Variants in DSCAM observed in about 807,000 individuals in gnomAD.
DSCAM encodes DS cell adhesion molecule.
A neutral mutation model predicts 217.7 loss-of-function variants in DSCAM; 47 were observed. The ratio of observed to expected loss-of-function variants is 0.22; its 90% CI spans 0.17 to 0.28. DSCAM has a LOEUF of 0.28. Ranked by LOEUF, DSCAM falls within the 10% of genes least tolerant of loss-of-function variation. DSCAM has a pLI of 1.00. For synonymous variants in DSCAM, 1,056 were observed against 1,015.3 expected (o/e 1.04, Z -0.76); for missense variants, 2,080 against 2,618.3 (o/e 0.79, Z 4.49).
At chr21:40,650,756 T>C (rs2090003485) in intron 3 of DSCAM, among the ~76,000 whole-genome samples, 1 of 152,066 alleles carries the variant, frequency 6.6e-6, no homozygotes, top group Non-Finnish European at 1.5e-5. Context: ...TCTACTAAAA[T>C]ACAAAAAATT....
Position 40,125,833 on chromosome 21 carries a change from G to A in DSCAM, c.3563-1505C>T, listed in dbSNP as rs897914128. 4.3e-4 allele frequency among the ~76,000 whole-genome samples: 66 copies of A among 152,108 alleles called. 2 individuals carry two copies. The highest frequency in any genetic ancestry group is 1.5e-5 in the Non-Finnish European group (1 of 68,014). The stretch of plus-strand genomic sequence containing the variant: ...GCCAGGGTTCCTCCTGAACAACAAG[G>A]GCAGAGTGAACGTTTCCTGGGGATT... On this transcript the variant is annotated intron_variant, in intron 19 of 32. Transcript: ENST00000400454.
At chr21:40,527,467 T>C (rs186001964) in intron 3 of DSCAM, among the ~76,000 whole-genome samples, 129 of 152,342 alleles carry the variant, frequency 8.5e-4, no homozygotes, top group African/African-American at 2.9e-3. Context: ...GGTTGCCTGC[T>C]GGACAACAGG....
intron 1 of DSCAM, among the ~76,000 whole-genome samples, chr21:40,834,836 A>G (rs1374354242): frequency 6.6e-6 from 1 of 152,212 alleles, no homozygotes; most frequent in East Asian, 1.9e-4. Flanking sequence ...GAGCACATGT[A>G]AGCTCTAATA....
intron 1 of DSCAM, among the ~76,000 whole-genome samples, chr21:40,823,056 A>T (rs2091941911): frequency 6.6e-6 from 1 of 152,102 alleles, no homozygotes; most frequent in African/African-American, 2.4e-5. Flanking sequence ...AGGCTGAGAC[A>T]GGAGAATTGC....
intron 3 of DSCAM, among the ~76,000 whole-genome samples, chr21:40,498,680 TATATATATATATATATA>T (rs2076141111): frequency 1.5e-4 from 1 of 6,618 alleles, no homozygotes; most frequent in Non-Finnish European, 2.3e-4. Context: ...TATATATATA[TATATATATATATATATA>T]GATATATATA....
chr21:40,681,631 T>C (rs1320224115), intron 3 of DSCAM, among the ~76,000 whole-genome samples: 3 of 152,078 alleles, frequency 2.0e-5, no homozygotes, highest in Non-Finnish European at 4.4e-5. Context: ...GTGGGTTAAA[T>C]AGCTTCCCCC....
chr21:40,539,753 T>C (rs1860076602), intron 3 of DSCAM, among the ~76,000 whole-genome samples: 1 of 152,066 alleles, frequency 6.6e-6, no homozygotes, highest in African/African-American at 2.4e-5. Flanking sequence ...AAAAGACAAT[T>C]CCTGAGATTT....
At chr21:40,376,516 CTATATATCTTATATAGATATCGA>C (rs2074956305) in intron 3 of DSCAM, among the ~76,000 whole-genome samples, 11 of 110,352 alleles carry the variant, frequency 1.0e-4, no homozygotes, top group African/African-American at 1.8e-4. Context: ...ATATCGATAT[CTATATATCTTATATAGATATCGA>C]TATATCTTAT....
intron 1 of DSCAM, among the ~76,000 whole-genome samples, chr21:40,829,509 G>A (rs988761159): frequency 1.3e-5 from 2 of 152,190 alleles, no homozygotes; most frequent in South Asian, 2.1e-4. Context: ...AGATAGGCTG[G>A]GGCTGTATAA....
intron 3 of DSCAM, among the ~76,000 whole-genome samples, chr21:40,461,439 A>AT (rs760166867): frequency 3.3e-5 from 5 of 152,120 alleles, no homozygotes; most frequent in Admixed American, 6.5e-5. Flanking sequence ...TAGATACTTT[A>AT]TTTCCCTGGG....
intron 24 of DSCAM, among the ~76,000 whole-genome samples, chr21:40,081,230 T>C (rs147162398): frequency 6.6e-6 from 1 of 152,310 alleles, no homozygotes; most frequent in East Asian, 1.9e-4. Flanking sequence ...TTCTCCACCC[T>C]GGCTAGCTGG....
At chr21:40,042,291 G>T in intron 32 of DSCAM, 80 bp downstream of exon 32, 1 of 1,493,122 alleles carries the variant, frequency 6.7e-7, no homozygotes, top group Non-Finnish European at 9.1e-7. Flanking sequence ...ACACTGAGAA[G>T]GGCTTTCACA....
chr21:40,433,362 A>C (rs931256184), intron 3 of DSCAM, among the ~76,000 whole-genome samples: 2 of 151,180 alleles, frequency 1.3e-5, no homozygotes, highest in Non-Finnish European at 3.0e-5. Context: ...AAAAAAAAAA[A>C]AAAAAGAGCA....
intron 28 of DSCAM, among the ~76,000 whole-genome samples, chr21:40,062,206 G>A (rs35753329): frequency 0.015 from 2,323 of 152,314 alleles, 28 homozygotes; most frequent in Non-Finnish European, 0.024. Context: ...GCCTGTGGAC[G>A]TGTGAAAGGA....
intron 20 of DSCAM, among the ~76,000 whole-genome samples, chr21:40,100,974 A>G (rs1311469510): frequency 1.3e-5 from 2 of 152,220 alleles, no homozygotes; most frequent in Non-Finnish European, 2.9e-5. Flanking sequence ...AAGAGAAGAC[A>G]TAAGAGTTCC....
At chr21:40,804,875 G>T (rs1029199281) in intron 1 of DSCAM, among the ~76,000 whole-genome samples, 3 of 152,018 alleles carry the variant, frequency 2.0e-5, no homozygotes, top group East Asian at 1.9e-4. Context: ...CTGCTACATT[G>T]TACCCCACCC....
intron 9 of DSCAM, among the ~76,000 whole-genome samples, chr21:40,300,987 A>G (rs2898412): frequency 0.35 from 53,445 of 151,894 alleles, 10,341 homozygotes; most frequent in South Asian, 0.52. Context: ...CATTAAAGCA[A>G]CTTTTACTGA....
chr21:40,222,089 T>G (rs1569008157), intron 11 of DSCAM, among the ~76,000 whole-genome samples: 1 of 152,338 alleles, frequency 6.6e-6, no homozygotes, highest in African/African-American at 2.4e-5. Flanking sequence ...GGGAAACAAC[T>G]GAGAGTGTTT....
chr21:40,327,271 A>G (rs970218319), intron 8 of DSCAM, among the ~76,000 whole-genome samples: 1 of 152,100 alleles, frequency 6.6e-6, no homozygotes, highest in Non-Finnish European at 1.5e-5. Context: ...TCCCTTTCTT[A>G]TCTCTACATA....
Sources: gnomAD v4.1 joint callset for allele counts (sites outside exome capture counted in the v4.1 genomes callset) on GRCh38, gnomAD v4.1.1 for gene constraint, MANE v1.5 for transcripts, NCBI Gene and HGNC (gene_info 2026-07-23, HGNC 2026-07-21) for gene names.